Variants in ABCA4 observed in about 807,000 individuals in gnomAD.
ABCA4 encodes the protein retinal-specific phospholipid-transporting ATPase ABCA4.
In ABCA4, 196 loss-of-function variants were observed where a neutral mutation model predicts 263.7. That is an observed-to-expected ratio of 0.74 (90% CI 0.66 to 0.84). The LOEUF (loss-of-function observed/expected upper bound fraction) is 0.84. ABCA4 is among the 40% of genes least tolerant of loss of function. ABCA4 has a pLI of 0.00. For missense variants in ABCA4, 2,792 were observed against 2,855.1 expected, an observed-to-expected ratio of 0.98 and a Z score of 0.50; for synonymous variants, 1,133 against 1,094.2, an observed-to-expected ratio of 1.04 and a Z score of -0.70.
At chr1:94,023,930 AATCCC>A (rs752153989) in intron 31 of ABCA4, among the ~76,000 whole-genome samples, 7 of 152,204 alleles carry the variant, frequency 4.6e-5, no homozygotes, top group Non-Finnish European at 1.0e-4. Flanking sequence ...CCCAGAGCTC[AATCCC>A]ATGAACTGTC....
At chr1:94,118,955 G>A (rs1662874755) in intron 1 of ABCA4, among the ~76,000 whole-genome samples, 1 of 152,188 alleles carries the variant, frequency 6.6e-6, no homozygotes, top group African/African-American at 2.4e-5. Flanking sequence ...GGGTCACAAA[G>A]AGCACAGTGA....
chr1:94,018,051 C>G (rs1304494716), intron 36 of ABCA4, among the ~76,000 whole-genome samples: 3 of 152,148 alleles, frequency 2.0e-5, no homozygotes, highest in African/African-American at 7.2e-5. Context: ...TCTGGAGCAT[C>G]AGAAAGCCTG....
intron 29 of ABCA4, 24 bp from the exon 30 acceptor site, chr1:94,029,655 C>A (rs1660143856): frequency 1.2e-6 from 2 of 1,603,738 alleles, no homozygotes; most frequent in Admixed American, 3.4e-5. Flanking sequence ...AGAAAATATT[C>A]CATAATCAGC....
chr1:94,102,608 G>T (rs964295608), intron 5 of ABCA4, among the ~76,000 whole-genome samples: 3 of 152,104 alleles, frequency 2.0e-5, no homozygotes, highest in African/African-American at 4.8e-5. Context: ...ATCGCCTGTG[G>T]CCCCACTGGA....
intron 11 of ABCA4, among the ~76,000 whole-genome samples, chr1:94,064,204 G>A (rs958372927): frequency 5.9e-5 from 9 of 152,218 alleles, no homozygotes; most frequent in African/African-American, 2.2e-4. Flanking sequence ...ATGTGCCAGA[G>A]CCTGGTCGAC....
At chr1:94,099,928 C>T (rs555410831) in intron 5 of ABCA4, among the ~76,000 whole-genome samples, 10 of 152,258 alleles carry the variant, frequency 6.6e-5, no homozygotes, top group African/African-American at 2.2e-4. Context: ...AGGGGAGAGG[C>T]CTGGACCTTG....
intron 22 of ABCA4, 132 bp from the exon 23 acceptor site, chr1:94,041,534 A>T: frequency 1.1e-6 from 1 of 922,432 alleles, no homozygotes; most frequent in South Asian, 1.5e-5. Context: ...ACCCAAGGGA[A>T]CTAATTCAGC....
intron 26 of ABCA4, among the ~76,000 whole-genome samples, chr1:94,035,821 C>A (rs745362350): frequency 1.3e-5 from 2 of 152,188 alleles, no homozygotes; most frequent in Admixed American, 6.5e-5. Flanking sequence ...ACCCTCCACC[C>A]TCTGCTGTAA....
chr1:94,006,277 A>G lies in ABCA4; in HGVS notation c.6006-695T>C, dbSNP rs1308866299. Among the ~76,000 whole-genome samples, 5 of 145,704 alleles carry G rather than the reference A, an allele frequency of 3.4e-5. No homozygotes were observed. The East Asian group carries it at 7.9e-4, about 23-fold the overall frequency. ...GTTCCCCACAATGACAAAAGCCACCAAAGGCATGGCTGGGCCAATTAAAAC... is the reference window on the plus strand; with the variant it reads ...GTTCCCCACAATGACAAAAGCCACCGAAGGCATGGCTGGGCCAATTAAAAC... On this transcript the variant is annotated intron_variant, in intron 43 of 49. Transcript: ENST00000370225.
chr1:94,006,573 G>A (rs551019998), intron 43 of ABCA4, among the ~76,000 whole-genome samples: 51 of 152,288 alleles, frequency 3.3e-4, no homozygotes, highest in African/African-American at 1.2e-3. Flanking sequence ...AGTCACCTGC[G>A]TGGTCACTTG....
chr1:94,041,114 G>A (rs956614415), intron 23 of ABCA4, 95 bp downstream of exon 23: 28 of 1,286,682 alleles, frequency 2.2e-5, no homozygotes, highest in African/African-American at 1.8e-4. Context: ...TTCTGGTGGC[G>A]AGAGCCTGTG....
At chr1:94,056,241 A>G (rs1374104177) in intron 15 of ABCA4, among the ~76,000 whole-genome samples, 1 of 152,254 alleles carries the variant, frequency 6.6e-6, no homozygotes. Context: ...TTAGACAGAT[A>G]GTAAAGTGGC....
chr1:94,103,203 A>G, intron 4 of ABCA4, 61 bp from the exon 5 acceptor site: 1 of 1,594,124 alleles, frequency 6.3e-7, no homozygotes. Context: ...AAAAAGGAAA[A>G]CAGCCAGAGT....
chr1:94,002,003 G>T lies in ABCA4; in HGVS notation c.6148-11C>A, dbSNP rs759667578. The T allele has an allele frequency of 1.4e-5, 23 of 1,614,052 alleles. No individual in the cohort carries two copies. The highest frequency in any genetic ancestry group is 5.0e-5 in the Admixed American group (3 of 60,010). ...ACTCCAGTTTGCAACCTAGGGAAGA[G>T]AAAGAAATGCCATTTGGAGAAGACA... is the stretch of plus-strand genomic sequence containing the variant. On this transcript the variant is annotated splice_polypyrimidine_tract_variant and intron_variant, in intron 44 of 49. Coordinates refer to ENST00000370225, the MANE Select transcript of ABCA4 (RefSeq NM_000350.3).
At chr1:94,015,965 A>T in intron 36 of ABCA4, 111 bp from the exon 37 acceptor site, 1 of 922,068 alleles carries the variant, frequency 1.1e-6, no homozygotes, top group Non-Finnish European at 1.7e-6. Context: ...TGGGATTCTG[A>T]TTCGACTTGC....
intron 4 of ABCA4, among the ~76,000 whole-genome samples, chr1:94,105,242 C>A (rs1445331583): frequency 3.9e-5 from 6 of 152,192 alleles, no homozygotes; most frequent in Non-Finnish European, 8.8e-5. Flanking sequence ...GTTGTCTTGA[C>A]CTGACAGTCA....
chr1:94,080,734 G>A lies in ABCA4; in HGVS notation c.859-16C>T. Reference sequence around the variant, plus strand: ...GATGGATAAACTAGGGCAAGGCAAAGTCTTCAGGTTATTTTAAGGCAGCTA... The same window carrying A: ...GATGGATAAACTAGGGCAAGGCAAAATCTTCAGGTTATTTTAAGGCAGCTA... On this transcript the variant is annotated splice_polypyrimidine_tract_variant and intron_variant, in intron 7 of 49. Transcript: ENST00000370225. 6.2e-7 allele frequency: 1 copy of A among 1,614,170 alleles called. No individual in the cohort carries two copies. The highest frequency in any genetic ancestry group is 1.7e-5 in the Admixed American group (1 of 60,008).
chr1:94,028,906 C>CA (rs34738807), intron 30 of ABCA4, among the ~76,000 whole-genome samples: 13,142 of 37,502 alleles, frequency 0.35, 2,554 homozygotes, highest in East Asian at 0.65. Context: ...GACTCTGTCT[C>CA]AAAAAAAAAA....
chr1:94,014,413 G>T (rs1659664334), intron 38 of ABCA4, 130 bp downstream of exon 38: 5 of 1,029,346 alleles, frequency 4.9e-6, no homozygotes, highest in African/African-American at 1.6e-5. Flanking sequence ...GTCGGGGGTA[G>T]GGAGGAAGAA....
Sources: gnomAD v4.1 joint callset for allele counts (sites outside exome capture counted in the v4.1 genomes callset) on GRCh38, gnomAD v4.1.1 for gene constraint, MANE v1.5 for transcripts, NCBI Gene and HGNC (gene_info 2026-07-23, HGNC 2026-07-21) for gene names.